SNX19: variants seen among roughly 807,000 people sequenced by gnomAD.
SNX19 encodes sorting nexin 19.
Under a neutral mutation model 85.2 loss-of-function variants are expected in SNX19, and 60 were observed. The ratio of observed to expected loss-of-function variants is 0.70; its 90% confidence interval spans 0.57 to 0.87. SNX19 has a LOEUF of 0.87. Among genes scored for constraint, SNX19 ranks in the 40% least tolerant of loss-of-function variants. The pLI, the probability that SNX19 is intolerant of heterozygous loss-of-function variation, is 0.00. For missense variants in SNX19, 1,201 were observed against 1,217.8 expected (o/e 0.99, Z 0.21); for synonymous variants, 520 against 470.0 (o/e 1.11, Z -1.38).
intron 8 of SNX19, among the ~76,000 whole-genome samples, chr11:130,892,350 G>A (rs1472147182): frequency 2.0e-5 from 3 of 152,004 alleles, no homozygotes. Flanking sequence ...AACTCTCTGA[G>A]CTCTGGCTTC....
Position 130,872,661 on chromosome 11 carries a change from G to T in SNX19, c.*5761C>A, listed in dbSNP as rs920009759. Among the ~76,000 whole-genome samples, 5 of 152,140 alleles carry T rather than the reference G, an allele frequency of 3.3e-5. No individual in the cohort carries two copies. The highest frequency in any genetic ancestry group is 1.2e-4 in the African/African-American group (5 of 41,436). On this transcript the variant is annotated 3_prime_UTR_variant, in exon 11 of 11. Coordinates refer to ENST00000265909, the MANE Select transcript of SNX19 (RefSeq NM_014758.3). ...ATTTTCTTGTCTACAAAGGCAGGGT[G>T]AGCGACTGCTGCCCTGTGATTTCTG... is the stretch of plus-strand genomic sequence containing the variant.
chr11:130,911,546 C>T (rs1253500785), intron 2 of SNX19, 87 bp downstream of exon 2: 2 of 1,583,942 alleles, frequency 1.3e-6, no homozygotes, highest in East Asian at 2.2e-5. Flanking sequence ...CATTCTCCTC[C>T]CCGATCCCTC....
At chr11:130,911,560 TA>T in intron 2 of SNX19, 72 bp downstream of exon 2, 1 of 1,598,992 alleles carries the variant, frequency 6.3e-7, no homozygotes. Flanking sequence ...ATCCCTCCCA[TA>T]AACCAACAGG....
At chr11:130,895,820 C>T (rs1197824889) in intron 8 of SNX19, among the ~76,000 whole-genome samples, 1 of 152,154 alleles carries the variant, frequency 6.6e-6, no homozygotes, top group Non-Finnish European at 1.5e-5. Flanking sequence ...CACTATGTGA[C>T]AGGAAAGCCA....
In SNX19 at chr11:130,866,720, T is replaced by G. The variant is rs1942779511; in HGVS notation, c.*11702A>C. 1 of 152,232 alleles carries G rather than the reference T, an allele frequency of 6.6e-6. No individual in the cohort carries two copies. Among genetic ancestry groups the G allele is most frequent in the Non-Finnish European group, 1.5e-5 (1 of 68,052 alleles). 9.4% of individuals were successfully genotyped at this position (152,232 alleles called of 1,614,324 possible). A position where few individuals can be genotyped will look rare whatever the true frequency, so the allele number is the denominator to read the frequency against. On this transcript the variant is annotated 3_prime_UTR_variant, in exon 11 of 11. Coordinates refer to ENST00000265909, the MANE Select transcript of SNX19 (RefSeq NM_014758.3). ...GTGCCAGGAGCCCTTAGCTCTAGAC[T>G]TACTGAACAGAAAGACCTTGGGTGA...
At position 130,872,314 on chromosome 11, in the gene SNX19, G is replaced by A. The variant is rs759287447; in HGVS notation, c.*6108C>T. ...AAAATAGCATAGTGTGTCTGCCAAG[G>A]TCTGCGGGTGCCCAAATTTCCCCCA... On this transcript the variant is annotated 3_prime_UTR_variant, in exon 11 of 11. Coordinates refer to ENST00000265909, the MANE Select transcript of SNX19 (RefSeq NM_014758.3). Among the ~76,000 whole-genome samples, 4 of 152,122 alleles carry A rather than the reference G, an allele frequency of 2.6e-5. No homozygotes were observed. The highest frequency in any genetic ancestry group is 4.8e-5 in the African/African-American group (2 of 41,422).
intron 9 of SNX19, 41 bp from the exon 10 acceptor site, chr11:130,879,752 GA>G (rs749648607): frequency 1.3e-5 from 21 of 1,569,560 alleles, no homozygotes; most frequent in Non-Finnish European, 1.8e-5. Context: ...TGTTATCACT[GA>G]AGTTTTAGAT....
Position 130,872,538 on chromosome 11 carries a change from A to ATGT in SNX19, c.*5881_*5883dup, listed in dbSNP as rs1385130091. On this transcript the variant is annotated 3_prime_UTR_variant, in exon 11 of 11. Coordinates refer to ENST00000265909, the MANE Select transcript of SNX19 (RefSeq NM_014758.3). ...AGGTAAGTCTTAGGATGTGGACATC[A>ATGT]TGTTTGGGGCAATGTCTCCCTCACC... 6.6e-6 allele frequency among the ~76,000 whole-genome samples: 1 copy of ATGT among 151,702 alleles called. No homozygotes were observed. The highest frequency in any genetic ancestry group is 1.5e-5 in the Non-Finnish European group (1 of 67,948).
In SNX19 at chr11:130,870,789, T is replaced by G. The variant is rs1489953235; in HGVS notation, c.*7633A>C. Among the ~76,000 whole-genome samples the G allele has an allele frequency of 6.6e-6, 1 of 150,910 alleles. No individual in the cohort carries two copies. Among genetic ancestry groups the G allele is most frequent in the East Asian group, 2.0e-4 (1 of 5,090 alleles). On this transcript the variant is annotated 3_prime_UTR_variant, in exon 11 of 11. Coordinates refer to ENST00000265909, the MANE Select transcript of SNX19 (RefSeq NM_014758.3). The stretch of plus-strand genomic sequence containing the variant: ...TAATTAAGTAAACTTTAATATTTAT[T>G]TTGTACCTATCATGCACTAGGTATA...
chr11:130,894,578 G>A (rs1944740675), intron 8 of SNX19, among the ~76,000 whole-genome samples: 1 of 150,050 alleles, frequency 6.7e-6, no homozygotes, highest in Non-Finnish European at 1.5e-5. Flanking sequence ...GACAGTGAAT[G>A]GTATTGTTTA....
At position 130,879,709 on chromosome 11, in the gene SNX19, G is replaced by A. The variant is rs780895525; in HGVS notation, c.2761C>T (p.Leu921Phe). The A allele has an allele frequency of 1.9e-6, 3 of 1,613,756 alleles. No individual in the cohort carries two copies. The South Asian group carries it at 3.3e-5, about 18-fold the overall frequency. The change falls in exon 10 of 11, where the codon CTC becomes TTC. Residue 921 changes from leucine to phenylalanine, a missense_variant and splice_region_variant. By Grantham distance (22) the Leu-to-Phe change is conservative. This residue lies in a region of SNX19 where 285 missense variants were observed against 295.3 expected (regional missense o/e 0.97). Transcript: ENST00000265909. ...TTCACCCCAAGAATTTCTACTACGA[G>A]ATCTGAGGAGGAAAAAACAGATGGA... is the stretch of plus-strand genomic sequence containing the variant. ...LQSLMGVLPD[L>F]VVEILGVNKC...
At position 130,915,813 on chromosome 11, in the gene SNX19, G is replaced by GT; in HGVS notation, c.126dup (p.His43ThrfsTer51). 6.2e-7 allele frequency: 1 copy of GT among 1,614,236 alleles called. No homozygotes were observed. The stretch of plus-strand genomic sequence containing the variant: ...AGCAGCCACACGTTGACCAGAAGGT[G>GT]TATGACCAGGAGCCAGCCAAGCAAG... On this transcript the variant is annotated frameshift_variant, in exon 1 of 11. Transcript: ENST00000265909. LOFTEE classifies it high-confidence loss of function.
rs1156602818 is a variant in SNX19, at chr11:130,871,560, A to C, written c.*6862T>G. On this transcript the variant is annotated 3_prime_UTR_variant, in exon 11 of 11. Transcript: ENST00000265909. The stretch of plus-strand genomic sequence containing the variant: ...TTTTGATAGTTACAGGAGCAGGATG[A>C]TTCTTCACCCAGGGGCACGGGCAAA... 6.6e-6 allele frequency among the ~76,000 whole-genome samples: 1 copy of C among 152,212 alleles called. No homozygotes were observed. Among genetic ancestry groups the C allele is most frequent in the Non-Finnish European group, 1.5e-5 (1 of 68,040 alleles).
At chr11:130,893,956 A>C in intron 8 of SNX19, 1 of 601,596 alleles carries the variant, frequency 1.7e-6, no homozygotes, top group Non-Finnish European at 3.0e-6. Flanking sequence ...GACAGAGGTA[A>C]AGATCAAAAG....
chr11:130,908,278 C>A, intron 4 of SNX19, 195 bp from the exon 5 acceptor site: 2 of 468,226 alleles, frequency 4.3e-6, no homozygotes, highest in South Asian at 6.6e-5. Context: ...TTTCCATGGC[C>A]ATAAAAATCT....
chr11:130,907,042 A>G (rs1386126383), intron 5 of SNX19, among the ~76,000 whole-genome samples: 1 of 152,232 alleles, frequency 6.6e-6, no homozygotes, highest in Non-Finnish European at 1.5e-5. Flanking sequence ...CTAACACATA[A>G]TAGGCACTCA....
intron 4 of SNX19, 24 bp downstream of exon 4, chr11:130,909,994 T>C: frequency 6.2e-7 from 1 of 1,612,130 alleles, no homozygotes; most frequent in Non-Finnish European, 8.5e-7. Context: ...AAACTAAAGC[T>C]GAGCACAGTG....
At chr11:130,914,072 G>C (rs1946349078) in intron 1 of SNX19, among the ~76,000 whole-genome samples, 194 bp downstream of exon 1, 1 of 152,162 alleles carries the variant, frequency 6.6e-6, no homozygotes, top group South Asian at 2.1e-4. Flanking sequence ...TGAGGTTCCA[G>C]GATTGCTTGT....
rs773167577 is a variant in SNX19 at position 130,915,629 on chromosome 11, C to T, written c.311G>A (p.Arg104His). 5 of 1,614,078 alleles carry T rather than the reference C, an allele frequency of 3.1e-6. No individual in the cohort carries two copies. In the African/African-American group the frequency reaches 4.0e-5, roughly 13 times the overall value. Residue 104 changes from arginine to histidine, a missense_variant, in exon 1 of 11, where the codon CGC becomes CAC. By Grantham distance (29) the Arg-to-His change is conservative. This residue lies in a region of SNX19 where 791 missense variants were observed against 750.9 expected (regional missense o/e 1.05). Transcript: ENST00000265909. ...AERQLEREIN[R>H]TIQMIIRDFV... is the part of the protein sequence containing the mutation. ...ATCTCGAATAATCATCTGGATGGTG[C>T]GGTTGATCTCCCGTTCCAGCTGCCT... is the stretch of plus-strand genomic sequence containing the variant.
Sources: allele counts gnomAD v4.1 joint callset (sites outside exome capture counted in the v4.1 genomes callset), GRCh38; gene constraint gnomAD v4.1.1; regional missense constraint gnomAD v4.1.1; transcripts MANE v1.5; gene names NCBI Gene and HGNC (gene_info 2026-07-23, HGNC 2026-07-21).